The following AGT variants were observed in gnomAD, a reference collection of about 807,000 sequenced individuals.
AGT encodes angiotensinogen.
Under a neutral mutation model 28.1 loss-of-function variants are expected in AGT, and 26 were observed. The observed-to-expected ratio is 0.92, with a 90% CI of 0.68 to 1.28. The LOEUF (loss-of-function observed/expected upper bound fraction) is 1.28, where lower values mean the gene tolerates loss of function less well. Among genes scored for constraint, AGT ranks in the 50% most tolerant of loss-of-function variants. The pLI is 0.00. For missense variants in AGT, 596 were observed against 592.3 expected (o/e 1.01, Z -0.06); for synonymous variants, 259 against 259.6 (o/e 1.00, Z 0.02).
chr1:230,734,203 T>C (rs1447878604), intron 1 of AGT, among the ~76,000 whole-genome samples: 1 of 152,216 alleles, frequency 6.6e-6, no homozygotes, highest in Non-Finnish European at 1.5e-5. Context: ...GGAATATTAT[T>C]CAAGCAAAAT....
intron 1 of AGT, among the ~76,000 whole-genome samples, chr1:230,730,021 C>G (rs767369909): frequency 6.6e-6 from 1 of 151,970 alleles, no homozygotes; most frequent in Non-Finnish European, 1.5e-5. Flanking sequence ...ATTAGCCAGG[C>G]GTGGTGGTGC....
chr1:230,719,411 T>TAATA, upstream of AGT, among the ~76,000 whole-genome samples: 1 of 103,450 alleles, frequency 9.7e-6, no homozygotes, highest in South Asian at 3.4e-4. Context: ...ATTATGTTTT[T>TAATA]TTTTTTTTTT....
chr1:230,740,458 C>T (rs1664228049), intron 1 of AGT, among the ~76,000 whole-genome samples: 1 of 152,134 alleles, frequency 6.6e-6, no homozygotes, highest in Non-Finnish European at 1.5e-5. Context: ...CATTCTGGCT[C>T]AAACACCTCT....
At chr1:230,714,580 G>T (rs990351824), upstream of AGT, among the ~76,000 whole-genome samples, 1 of 152,140 alleles carries the variant, frequency 6.6e-6, no homozygotes, top group African/African-American at 2.4e-5. Flanking sequence ...CCTGCTGCCC[G>T]CTCATGGGAT....
At position 230,703,108 on chromosome 1, in the gene AGT, C is replaced by T. The variant is rs61762526; in HGVS notation, c.*33G>A. The stretch of plus-strand genomic sequence containing the variant: ...TTGCCTCAAAGGCCAGGGGCAGAGG[C>T]CTTGCCAGGCACTGTGTTCTGGGGC... On this transcript the variant is annotated 3_prime_UTR_variant, in exon 5 of 5. Coordinates refer to ENST00000366667, the MANE Select transcript of AGT (RefSeq NM_001384479.1). 1 of 1,607,808 alleles carries T rather than the reference C, an allele frequency of 6.2e-7. No homozygotes were observed. The highest frequency in any genetic ancestry group is 1.3e-5 in the African/African-American group (1 of 74,790).
chr1:230,717,462 G>A (rs138521663), upstream of AGT, among the ~76,000 whole-genome samples: 35 of 152,286 alleles, frequency 2.3e-4, no homozygotes, highest in African/African-American at 8.4e-4. Flanking sequence ...AATCAAACCT[G>A]GAACCAGCTG....
chr1:230,716,624 A>C (rs540684380), upstream of AGT, among the ~76,000 whole-genome samples: 28 of 152,278 alleles, frequency 1.8e-4, no homozygotes, highest in African/African-American at 6.3e-4. Flanking sequence ...TGGTTTTATA[A>C]AGGGGAGTTC....
chr1:230,724,248 C>G (rs1663896002), intron 1 of AGT, among the ~76,000 whole-genome samples: 1 of 152,146 alleles, frequency 6.6e-6, no homozygotes, highest in Non-Finnish European at 1.5e-5. Context: ...GCTTGCTAAC[C>G]CCTAATCTAT....
intron 1 of AGT, among the ~76,000 whole-genome samples, chr1:230,726,725 G>A (rs969844634): frequency 2.0e-5 from 3 of 152,158 alleles, no homozygotes; most frequent in South Asian, 2.1e-4. Flanking sequence ...ACTCAGAGAA[G>A]AGTCTTAATT....
intron 1 of AGT, among the ~76,000 whole-genome samples, chr1:230,725,107 T>G (rs764599303): frequency 3.9e-5 from 6 of 152,198 alleles, no homozygotes; most frequent in Non-Finnish European, 8.8e-5. Context: ...TTTCATTAAC[T>G]TTTAGAAAAA....
chr1:230,718,778 T>G (rs1050132506), upstream of AGT, among the ~76,000 whole-genome samples: 11 of 140,732 alleles, frequency 7.8e-5, no homozygotes, highest in Admixed American at 4.7e-4. Flanking sequence ...CAGGCTGGAG[T>G]GCAGTGGCAC....
chr1:230,731,910 A>G (rs186054697), intron 1 of AGT, among the ~76,000 whole-genome samples: 1 of 151,876 alleles, frequency 6.6e-6, no homozygotes, highest in East Asian at 1.9e-4. Flanking sequence ...ACCCACAGAA[A>G]CTCAAAGCTT....
At chr1:230,712,155 C>T (rs2102792561) in intron 1 of AGT, among the ~76,000 whole-genome samples, 1 of 152,318 alleles carries the variant, frequency 6.6e-6, no homozygotes, top group Admixed American at 6.5e-5. Context: ...TTTCTGTCCC[C>T]CCAGGGCTAG....
chr1:230,735,480 A>G lies in AGT; in HGVS notation c.-31+10035T>C, dbSNP rs113855903. On this transcript the variant is annotated intron_variant, in intron 1 of 4. Coordinates refer to the AGT transcript ENST00000681269. ...TTAATACAGTCTTTTTTAAAAACTC[A>G]ATACAGAAGTAGGTAAAGTGGCTTT... 1.6e-3 allele frequency among the ~76,000 whole-genome samples: 240 copies of G among 152,290 alleles called. 3 individuals are homozygous for G. The highest frequency in any genetic ancestry group is 5.6e-3 in the African/African-American group (234 of 41,556).
Position 230,731,311 on chromosome 1 carries a change from G to A in AGT, c.-31+14204C>T, listed in dbSNP as rs111519742. On this transcript the variant is annotated intron_variant, in intron 1 of 4. Transcript: ENST00000681269. ...AGCGGTCCCACAGGCCTCCCAACCC[G>A]ATTCTCTGCTTCCCCTCCAGCCCCC... Among the ~76,000 whole-genome samples the A allele has an allele frequency of 1.6e-3, 239 of 152,228 alleles. 3 individuals are homozygous for A. The highest frequency in any genetic ancestry group is 5.5e-3 in the African/African-American group (230 of 41,520).
intron 1 of AGT, among the ~76,000 whole-genome samples, chr1:230,724,891 T>C (rs1441002368): frequency 2.0e-5 from 3 of 152,154 alleles, no homozygotes; most frequent in Non-Finnish European, 4.4e-5. Context: ...CCTGAGACAT[T>C]GGACTTGACT....
Position 230,710,847 on chromosome 1 carries a change from G to A in AGT, c.-24C>T, listed in dbSNP as rs764314612. 9.7e-5 allele frequency: 156 copies of A among 1,612,414 alleles called. No homozygotes were observed. Among genetic ancestry groups the A allele is most frequent in the Middle Eastern group, 3.4e-4 (2 of 5,930 alleles). On this transcript the variant is annotated 5_prime_UTR_variant, in exon 2 of 5. Coordinates refer to ENST00000366667, the MANE Select transcript of AGT (RefSeq NM_001384479.1). ...ATCTCAGACTGGGGTGCTCGCTTCC[G>A]CATACCCTGAAATATCATTTTGCAA...
upstream of AGT, among the ~76,000 whole-genome samples, chr1:230,715,205 C>A (rs1313727458): frequency 1.3e-5 from 2 of 152,192 alleles, no homozygotes; most frequent in African/African-American, 2.4e-5. Context: ...AACAAACACA[C>A]AAATACCTCT....
rs574670108 is a variant in AGT at position 230,709,965 on chromosome 1, G to A, written c.829+30C>T. On this transcript the variant is annotated intron_variant, in intron 2 of 4. Coordinates refer to ENST00000366667, the MANE Select transcript of AGT (RefSeq NM_001384479.1). Reference sequence around the variant, plus strand: ...CTACACATTGGATACTAAGTCCTAGGGCCAGAGCCAGCAGAGAGGTTTGCC... The same window carrying A: ...CTACACATTGGATACTAAGTCCTAGAGCCAGAGCCAGCAGAGAGGTTTGCC... The A allele has an allele frequency of 1.9e-6, 3 of 1,613,996 alleles. No individual in the cohort carries two copies. In the South Asian group the frequency reaches 3.3e-5, roughly 18 times the overall value.
Sources: allele counts gnomAD v4.1 joint callset (sites outside exome capture counted in the v4.1 genomes callset), GRCh38; gene constraint gnomAD v4.1.1; transcripts MANE v1.5; gene names NCBI Gene and HGNC (gene_info 2026-07-23, HGNC 2026-07-21).